The following MKX variants were observed in gnomAD, a reference collection of about 807,000 sequenced individuals.
MKX encodes the protein mohawk homeobox.
A neutral mutation model predicts 36.0 loss-of-function variants in MKX; 13 were observed. The observed-to-expected ratio is 0.36, with a 90% CI of 0.24 to 0.57. The LOEUF is 0.57. Among genes scored for constraint, MKX ranks in the 20% least tolerant of loss-of-function variants. The pLI is 0.79. For synonymous variants in MKX, 176 were observed against 178.3 expected, an observed-to-expected ratio of 0.99 and a Z score of 0.10; for missense variants, 458 against 456.4, an observed-to-expected ratio of 1.00 and a Z score of -0.03.
intron 5 of MKX, among the ~76,000 whole-genome samples, chr10:27,687,212 G>A (rs923045760): frequency 2.6e-5 from 4 of 151,934 alleles, no homozygotes; most frequent in Non-Finnish European, 5.9e-5. Context: ...CACTATGTTG[G>A]TCAGGCTGGT....
At chr10:27,728,841 G>T (rs978473937) in intron 5 of MKX, among the ~76,000 whole-genome samples, 5 of 152,056 alleles carry the variant, frequency 3.3e-5, no homozygotes, top group African/African-American at 9.7e-5. Flanking sequence ...CAAGAAAAAT[G>T]GTTTGGAGAT....
chr10:27,724,795 C>T (rs909685677), intron 5 of MKX, among the ~76,000 whole-genome samples: 10 of 134,738 alleles, frequency 7.4e-5, no homozygotes, highest in African/African-American at 3.1e-4. Context: ...ACACACACCC[C>T]GCAGAAACCT....
intron 5 of MKX, among the ~76,000 whole-genome samples, chr10:27,715,464 G>T (rs79958923): frequency 0.025 from 3,733 of 152,278 alleles, 165 homozygotes; most frequent in African/African-American, 0.085. Flanking sequence ...CTACGTGGCT[G>T]ATCCTAATCT....
chr10:27,724,182 G>C (rs77908688), intron 5 of MKX, among the ~76,000 whole-genome samples: 3,316 of 152,158 alleles, frequency 0.022, 128 homozygotes, highest in African/African-American at 0.075. Flanking sequence ...ATAAAATTGT[G>C]TGTATGTGTG....
chr10:27,700,524 C>T (rs1026506285), intron 5 of MKX, among the ~76,000 whole-genome samples: 4 of 152,248 alleles, frequency 2.6e-5, no homozygotes, highest in African/African-American at 4.8e-5. Context: ...ATAATGTAAA[C>T]CATTTCTGCT....
chr10:27,678,692 C>T (rs369761470), intron 5 of MKX, among the ~76,000 whole-genome samples: 2 of 152,156 alleles, frequency 1.3e-5, no homozygotes, highest in East Asian at 1.9e-4. Flanking sequence ...ATGTAATTCA[C>T]GGCTCAGGTC....
intron 5 of MKX, among the ~76,000 whole-genome samples, chr10:27,675,963 C>T (rs1836139542): frequency 6.6e-6 from 1 of 152,158 alleles, no homozygotes; most frequent in Non-Finnish European, 1.5e-5. Flanking sequence ...GGATTCAGTT[C>T]TCTAACTATA....
At chr10:27,708,855 G>T (rs187049034) in intron 5 of MKX, among the ~76,000 whole-genome samples, 1 of 152,142 alleles carries the variant, frequency 6.6e-6, no homozygotes, top group Admixed American at 6.5e-5. Flanking sequence ...AAAATATTTG[G>T]AAAAAAATAA....
At chr10:27,683,998 A>C (rs1261270265) in intron 5 of MKX, among the ~76,000 whole-genome samples, 1 of 152,176 alleles carries the variant, frequency 6.6e-6, no homozygotes, top group East Asian at 1.9e-4. Flanking sequence ...TACAGTGACT[A>C]TACAGTTCTT....
chr10:27,711,827 C>T (rs959833468), intron 5 of MKX, among the ~76,000 whole-genome samples: 9 of 151,606 alleles, frequency 5.9e-5, no homozygotes, highest in African/African-American at 2.2e-4. Flanking sequence ...CTCAAGCAAT[C>T]CTCCTGCTCT....
intron 5 of MKX, among the ~76,000 whole-genome samples, chr10:27,705,658 T>A (rs1429132272): frequency 6.6e-6 from 1 of 152,236 alleles, no homozygotes; most frequent in African/African-American, 2.4e-5. Flanking sequence ...TCCAGCCATA[T>A]GCTACCTTTT....
intron 5 of MKX, among the ~76,000 whole-genome samples, chr10:27,678,876 T>A (rs1836201977): frequency 6.6e-6 from 1 of 152,218 alleles, no homozygotes; most frequent in South Asian, 2.1e-4. Flanking sequence ...TTTGGGTGTA[T>A]GTGTTTGACA....
intron 5 of MKX, among the ~76,000 whole-genome samples, chr10:27,697,272 T>C (rs1564350531): frequency 6.6e-6 from 1 of 152,180 alleles, no homozygotes; most frequent in Admixed American, 6.5e-5. Flanking sequence ...CTGAAATTAT[T>C]CAAATGAGAA....
In MKX at chr10:27,741,603, G is replaced by T. The variant is rs927968934; in HGVS notation, c.189-99C>A. On this transcript the variant is annotated intron_variant, in intron 2 of 6. Transcript: ENST00000419761. The surrounding 1 kb of genome is among the most constrained non-coding windows in gnomAD (Gnocchi z 5.1). ...AGCCCGGGCCCCGCATCCAAACTGC[G>T]CATTCCTGCCTTGCGCCCCTGCTTT... 1.8e-5 allele frequency: 24 copies of T among 1,370,932 alleles called. No individual in the cohort carries two copies. In the East Asian group the frequency reaches 4.7e-4, roughly 27 times the overall value. 84.9% of individuals were successfully genotyped at this position (1,370,932 alleles called of 1,614,324 possible).
chr10:27,679,900 A>C (rs1196609280), intron 5 of MKX, among the ~76,000 whole-genome samples: 1 of 151,984 alleles, frequency 6.6e-6, no homozygotes, highest in Non-Finnish European at 1.5e-5. Context: ...GTGTCTTTGC[A>C]GCTCATGGTC....
chr10:27,724,792 C>CAA (rs1554773421), intron 5 of MKX, among the ~76,000 whole-genome samples: 1 of 137,918 alleles, frequency 7.3e-6, no homozygotes, highest in Non-Finnish European at 1.5e-5. Flanking sequence ...CACACACACA[C>CAA]CCCGCAGAAA....
chr10:27,675,226 C>A lies in MKX; in HGVS notation c.*3G>T. Reference sequence around the variant, plus strand: ...TCCATTGGATCTGAAAAGCAACAAGCTCTTAAAACTGCTGCACCAGCGGCA... The same window carrying A: ...TCCATTGGATCTGAAAAGCAACAAGATCTTAAAACTGCTGCACCAGCGGCA... On this transcript the variant is annotated 3_prime_UTR_variant, in exon 7 of 7. Transcript: ENST00000419761. The A allele has an allele frequency of 1.2e-6, 2 of 1,612,528 alleles. No homozygotes were observed. The highest frequency in any genetic ancestry group is 1.1e-5 in the South Asian group (1 of 90,754).
chr10:27,736,016 A>G (rs2132644109), intron 3 of MKX, among the ~76,000 whole-genome samples: 1 of 152,312 alleles, frequency 6.6e-6, no homozygotes, highest in South Asian at 2.1e-4. Flanking sequence ...GGCTTGGGCA[A>G]TGTCTAGTTT....
chr10:27,735,544 C>T (rs1474951499), intron 3 of MKX, among the ~76,000 whole-genome samples, 170 bp from the exon 4 acceptor site: 1 of 152,116 alleles, frequency 6.6e-6, no homozygotes, highest in African/African-American at 2.4e-5. Flanking sequence ...AAACATGTTG[C>T]TTACTACAGA....
Sources: gnomAD v4.1 joint callset for allele counts (sites outside exome capture counted in the v4.1 genomes callset) on GRCh38, gnomAD v4.1.1 for gene constraint, Gnocchi (gnomAD v3.1) non-coding constraint, MANE v1.5 for transcripts, NCBI Gene and HGNC (gene_info 2026-07-23, HGNC 2026-07-21) for gene names.